The following ITGBL1 variants were observed in gnomAD, a reference collection of about 807,000 sequenced individuals.
The protein encoded by ITGBL1 is integrin beta-like protein 1.
Under a neutral mutation model 68.5 loss-of-function variants are expected in ITGBL1, and 51 were observed. The observed-to-expected ratio is 0.74, with a 90% CI of 0.59 to 0.94. The LOEUF (loss-of-function observed/expected upper bound fraction) is 0.94, where lower values mean the gene tolerates loss of function less well. Ranked by LOEUF, ITGBL1 falls within the 40% of genes least tolerant of loss-of-function variation. The pLI is 0.00. For missense variants in ITGBL1, 649 were observed against 647.4 expected, an observed-to-expected ratio of 1.00 and a Z score of -0.03; for synonymous variants, 209 against 227.3, an observed-to-expected ratio of 0.92 and a Z score of 0.72.
intron 7 of ITGBL1, among the ~76,000 whole-genome samples, chr13:101,661,007 C>T (rs2033071210): frequency 6.6e-6 from 1 of 151,786 alleles, no homozygotes; most frequent in Non-Finnish European, 1.5e-5. Flanking sequence ...TGTTGACATT[C>T]AATTAAAGAA....
intron 2 of ITGBL1, among the ~76,000 whole-genome samples, chr13:101,521,652 G>C (rs935109147): frequency 1.3e-5 from 2 of 152,032 alleles, no homozygotes; most frequent in African/African-American, 4.8e-5. Context: ...GAAGAGGATT[G>C]CTTCTCCATC....
At chr13:101,564,764 A>G (rs1239343936) in intron 2 of ITGBL1, among the ~76,000 whole-genome samples, 1 of 151,032 alleles carries the variant, frequency 6.6e-6, no homozygotes, top group Non-Finnish European at 1.5e-5. Context: ...ACATATATGT[A>G]TATGTAATTA....
At chr13:101,501,068 T>C (rs1354764298) in intron 2 of ITGBL1, among the ~76,000 whole-genome samples, 1 of 152,236 alleles carries the variant, frequency 6.6e-6, no homozygotes, top group East Asian at 1.9e-4. Flanking sequence ...TACTACTGTG[T>C]GTCTCCTCTG....
chr13:101,703,508 G>A (rs1180143953), intron 8 of ITGBL1, among the ~76,000 whole-genome samples: 1 of 152,194 alleles, frequency 6.6e-6, no homozygotes, highest in Non-Finnish European at 1.5e-5. Flanking sequence ...TGAGTATTAG[G>A]AAGTTATACG....
chr13:101,524,788 C>G (rs1369806708), intron 2 of ITGBL1, among the ~76,000 whole-genome samples: 1 of 149,534 alleles, frequency 6.7e-6, no homozygotes, highest in Admixed American at 6.7e-5. Context: ...ATTACGCCAA[C>G]TGACGTATAG....
At chr13:101,555,700 G>A (rs2049994075) in intron 2 of ITGBL1, among the ~76,000 whole-genome samples, 1 of 147,162 alleles carries the variant, frequency 6.8e-6, no homozygotes, top group Admixed American at 6.8e-5. Context: ...GTGTGTGTAT[G>A]TTTTATATAG....
At chr13:101,597,380 A>G (rs146662454) in intron 6 of ITGBL1, among the ~76,000 whole-genome samples, 32 of 148,734 alleles carry the variant, frequency 2.2e-4, no homozygotes, top group African/African-American at 7.4e-4. Flanking sequence ...TTAATTACTG[A>G]GAAAGGAGCG....
At chr13:101,678,002 A>G (rs1345888432) in intron 7 of ITGBL1, among the ~76,000 whole-genome samples, 1 of 152,242 alleles carries the variant, frequency 6.6e-6, no homozygotes, top group African/African-American at 2.4e-5. Flanking sequence ...ATTTTTGAAA[A>G]TACCATTTAA....
intron 2 of ITGBL1, among the ~76,000 whole-genome samples, chr13:101,492,172 G>C (rs1038944972): frequency 1.3e-5 from 2 of 152,102 alleles, no homozygotes; most frequent in African/African-American, 4.8e-5. Context: ...TGGGTCAAAT[G>C]GTATTTCTGG....
intron 7 of ITGBL1, among the ~76,000 whole-genome samples, chr13:101,652,200 G>A (rs2032775940): frequency 6.6e-6 from 1 of 152,116 alleles, no homozygotes; most frequent in Non-Finnish European, 1.5e-5. Context: ...AGAGTGCAGT[G>A]GTGCATTCAT....
At chr13:101,621,487 G>C (rs9300687) in intron 7 of ITGBL1, among the ~76,000 whole-genome samples, 12,742 of 152,056 alleles carry the variant, frequency 0.084, 891 homozygotes, top group African/African-American at 0.19. Flanking sequence ...TTCAGGGTTA[G>C]AGCCCTTCTT....
At chr13:101,515,527 T>C (rs981785607) in intron 2 of ITGBL1, among the ~76,000 whole-genome samples, 2 of 152,168 alleles carry the variant, frequency 1.3e-5, no homozygotes, top group African/African-American at 4.8e-5. Flanking sequence ...TACTGAGACA[T>C]GCTGGGATAC....
At chr13:101,585,555 C>G (rs376594712) in intron 6 of ITGBL1, among the ~76,000 whole-genome samples, 39 of 152,172 alleles carry the variant, frequency 2.6e-4, no homozygotes, top group African/African-American at 9.2e-4. Context: ...CTCAGCCTCC[C>G]GAGCAGCTGG....
At chr13:101,545,766 A>G (rs1009192474) in intron 2 of ITGBL1, among the ~76,000 whole-genome samples, 1 of 152,214 alleles carries the variant, frequency 6.6e-6, no homozygotes, top group Non-Finnish European at 1.5e-5. Flanking sequence ...GCTGGGACTC[A>G]TGGACCAGCC....
chr13:101,704,640 G>A (rs762322402), intron 8 of ITGBL1, among the ~76,000 whole-genome samples: 89 of 152,106 alleles, frequency 5.9e-4, no homozygotes, highest in Non-Finnish European at 1.1e-3. Context: ...TGATGTGGTG[G>A]TTGAAAGAGA....
intron 7 of ITGBL1, among the ~76,000 whole-genome samples, chr13:101,628,461 C>A (rs1260127469): frequency 6.8e-5 from 10 of 147,508 alleles, no homozygotes; most frequent in Admixed American, 2.0e-4. Flanking sequence ...AAGACAAAGT[C>A]TCGCTCTGTC....
intron 3 of ITGBL1, among the ~76,000 whole-genome samples, chr13:101,573,931 G>A (rs2050313461): frequency 6.6e-6 from 1 of 152,050 alleles, no homozygotes; most frequent in Admixed American, 6.6e-5. Flanking sequence ...AGATGTATTT[G>A]TTCCATTCTA....
intron 2 of ITGBL1, among the ~76,000 whole-genome samples, chr13:101,455,433 G>A (rs1268599463): frequency 2.6e-5 from 4 of 152,116 alleles, no homozygotes; most frequent in Non-Finnish European, 4.4e-5. Flanking sequence ...TTGGGAGGCC[G>A]AGGCAGGTGA....
intron 2 of ITGBL1, among the ~76,000 whole-genome samples, chr13:101,561,386 C>T (rs766194710): frequency 6.6e-6 from 1 of 152,112 alleles, no homozygotes; most frequent in South Asian, 2.1e-4. Flanking sequence ...AAAACAAAAT[C>T]TTTCACTGTC....
Sources: gnomAD v4.1 joint callset for allele counts (sites outside exome capture counted in the v4.1 genomes callset) on GRCh38, gnomAD v4.1.1 for gene constraint, MANE v1.5 for transcripts, NCBI Gene and HGNC (gene_info 2026-07-23, HGNC 2026-07-21) for gene names.